The following SLC44A5 variants were observed in gnomAD, a reference collection of about 807,000 sequenced individuals.
The protein encoded by SLC44A5 is solute carrier family 44 member 5.
Under a neutral mutation model 101.8 loss-of-function variants are expected in SLC44A5, and 57 were observed. The observed-to-expected ratio is 0.56, with a 90% confidence interval of 0.45 to 0.70. SLC44A5 has a LOEUF of 0.70. SLC44A5 is among the 30% of genes least tolerant of loss of function. The pLI is 0.00. For synonymous variants in SLC44A5, 281 were observed against 290.9 expected (o/e 0.97, Z 0.35); for missense variants, 737 against 853.1 (o/e 0.86, Z 1.70).
At chr1:75,685,720 C>A in the SLC44A5 span, among the ~76,000 whole-genome samples, 1 of 152,150 alleles carries the variant, frequency 6.6e-6, no homozygotes, top group African/African-American at 2.4e-5. Flanking sequence ...TTCTTCTGAG[C>A]CCTTCAAACT....
At chr1:75,542,154 T>A (rs1035170894) in intron 1 of SLC44A5, among the ~76,000 whole-genome samples, 1 of 152,284 alleles carries the variant, frequency 6.6e-6, no homozygotes, top group East Asian at 1.9e-4. Context: ...TTTCTATGTA[T>A]GTTTTTTAAC....
chr1:75,409,194 G>A (rs2101495523), intron 2 of SLC44A5, among the ~76,000 whole-genome samples: 1 of 152,264 alleles, frequency 6.6e-6, no homozygotes, highest in African/African-American at 2.4e-5. Context: ...ATGGGGGCAA[G>A]GTTTGATAAA....
intron 4 of SLC44A5, among the ~76,000 whole-genome samples, chr1:75,302,119 T>TTTTTTG (rs1654522998): frequency 7.3e-6 from 1 of 137,712 alleles, no homozygotes; most frequent in Non-Finnish European, 1.6e-5. Context: ...TTTGTTTTTT[T>TTTTTTG]TTTTTTTTTT....
At chr1:75,709,579 G>A in the SLC44A5 span, among the ~76,000 whole-genome samples, 8 of 152,120 alleles carry the variant, frequency 5.3e-5, no homozygotes, top group African/African-American at 1.7e-4. Flanking sequence ...CTACAGTTAC[G>A]GAAAAGCATG....
At chr1:75,661,387 TAAAAAAAAAAA>T in the SLC44A5 span, among the ~76,000 whole-genome samples, 2 of 53,600 alleles carry the variant, frequency 3.7e-5, no homozygotes, top group African/African-American at 1.7e-4. Context: ...CTACTGCAAG[TAAAAAAAAAAA>T]AAAAAAAAAA....
intron 2 of SLC44A5, among the ~76,000 whole-genome samples, chr1:75,414,412 C>A (rs544292809): frequency 1.3e-5 from 2 of 151,886 alleles, no homozygotes; most frequent in African/African-American, 2.4e-5. Flanking sequence ...TTCAAAGATT[C>A]TTTTAATCCA....
chr1:75,221,882 T>C (rs1647088877), intron 14 of SLC44A5, among the ~76,000 whole-genome samples: 1 of 152,162 alleles, frequency 6.6e-6, no homozygotes, highest in Non-Finnish European at 1.5e-5. Flanking sequence ...AGTGGTGATC[T>C]TTCTAATAAG....
the SLC44A5 span, chr1:75,642,083 C>T: frequency 2.4e-6 from 3 of 1,238,160 alleles, no homozygotes; most frequent in African/African-American, 4.6e-5. Context: ...GGGGGCTTCA[C>T]TAATTTTTTA....
At chr1:75,449,211 T>C (rs1223597675) in intron 2 of SLC44A5, among the ~76,000 whole-genome samples, 1 of 152,220 alleles carries the variant, frequency 6.6e-6, no homozygotes, top group Non-Finnish European at 1.5e-5. Context: ...TTATTTGAGC[T>C]GGGGAAGTCT....
intron 3 of SLC44A5, among the ~76,000 whole-genome samples, chr1:75,362,008 A>AT (rs1659519627): frequency 1.3e-5 from 2 of 151,876 alleles, no homozygotes; most frequent in South Asian, 4.2e-4. Context: ...ATCTATTCAG[A>AT]TTTTTTATTT....
chr1:75,556,577 A>C (rs1264373291), intron 1 of SLC44A5, among the ~76,000 whole-genome samples: 1 of 152,150 alleles, frequency 6.6e-6, no homozygotes, highest in Non-Finnish European at 1.5e-5. Context: ...AGGTACTATT[A>C]ACATTTTCAA....
At chr1:75,277,600 A>G (rs1396698615) in intron 5 of SLC44A5, among the ~76,000 whole-genome samples, 1 of 152,038 alleles carries the variant, frequency 6.6e-6, no homozygotes, top group Non-Finnish European at 1.5e-5. Flanking sequence ...AGATCAGCAA[A>G]ATGTTCATAA....
chr1:75,295,579 A>G (rs1276180377), intron 5 of SLC44A5, among the ~76,000 whole-genome samples: 1 of 152,222 alleles, frequency 6.6e-6, no homozygotes, highest in African/African-American at 2.4e-5. Flanking sequence ...CCTAAGAGTA[A>G]GGGCTGGTTC....
At chr1:75,483,375 C>T (rs1382452676) in intron 2 of SLC44A5, among the ~76,000 whole-genome samples, 1 of 152,158 alleles carries the variant, frequency 6.6e-6, no homozygotes, top group African/African-American at 2.4e-5. Flanking sequence ...TTCCCTAAAG[C>T]CACAAATAGT....
intron 4 of SLC44A5, among the ~76,000 whole-genome samples, chr1:75,330,275 C>A (rs1466800882): frequency 6.6e-6 from 1 of 151,506 alleles, no homozygotes; most frequent in Non-Finnish European, 1.5e-5. Flanking sequence ...ATTTTCTCTG[C>A]CCTCTCCAAC....
the SLC44A5 span, among the ~76,000 whole-genome samples, chr1:75,700,420 G>A: frequency 4.0e-5 from 6 of 149,376 alleles, no homozygotes; most frequent in East Asian, 3.9e-4. Context: ...GGTACATAAC[G>A]AAATGAAGGC....
intron 3 of SLC44A5, among the ~76,000 whole-genome samples, chr1:75,351,823 T>A (rs1371419561): frequency 1.1e-4 from 1 of 8,752 alleles, no homozygotes. Flanking sequence ...AAAGCACTCA[T>A]CATAATGAAT....
chr1:75,461,394 A>C (rs757446622), intron 2 of SLC44A5, among the ~76,000 whole-genome samples: 3 of 152,186 alleles, frequency 2.0e-5, no homozygotes, highest in Non-Finnish European at 4.4e-5. Flanking sequence ...GAATCCTTAT[A>C]AAATCCAAAG....
chr1:75,491,511 T>C (rs577538071), intron 2 of SLC44A5, among the ~76,000 whole-genome samples: 1 of 152,144 alleles, frequency 6.6e-6, no homozygotes, highest in Non-Finnish European at 1.5e-5. Context: ...AGTATACATA[T>C]AAGAAACAGG....
Sources: allele counts gnomAD v4.1 joint callset (sites outside exome capture counted in the v4.1 genomes callset), GRCh38; gene constraint gnomAD v4.1.1; transcripts MANE v1.5; gene names NCBI Gene and HGNC (gene_info 2026-07-23, HGNC 2026-07-21).